MAP4K3: variants seen among roughly 807,000 people sequenced by gnomAD.
MAP4K3 encodes MAPK/ERK kinase kinase kinase 3.
Under a neutral mutation model 143.5 loss-of-function variants are expected in MAP4K3, and 94 were observed. The ratio of observed to expected loss-of-function variants is 0.65; its 90% CI spans 0.55 to 0.78. MAP4K3 has a LOEUF of 0.78. Among genes scored for constraint, MAP4K3 ranks in the 30% least tolerant of loss-of-function variants. MAP4K3 has a pLI of 0.00. For synonymous variants in MAP4K3, 416 were observed against 347.2 expected (o/e 1.20, Z -2.20); for missense variants, 1,077 against 1,068.1 (o/e 1.01, Z -0.12).
At chr2:39,366,795 T>C (rs1412674163) in intron 2 of MAP4K3, among the ~76,000 whole-genome samples, 1 of 152,218 alleles carries the variant, frequency 6.6e-6, no homozygotes, top group Non-Finnish European at 1.5e-5. Flanking sequence ...TATCAGGGTA[T>C]CTTGAAACCC....
intron 8 of MAP4K3, among the ~76,000 whole-genome samples, chr2:39,326,716 G>A (rs1226543190): frequency 1.3e-5 from 2 of 152,196 alleles, no homozygotes; most frequent in Non-Finnish European, 2.9e-5. Flanking sequence ...TAATCCCCAT[G>A]TGTTGAGGGA....
intron 24 of MAP4K3, 33 bp from the exon 25 acceptor site, chr2:39,272,575 A>G: frequency 6.5e-7 from 1 of 1,542,178 alleles, no homozygotes; most frequent in Non-Finnish European, 9.0e-7. Context: ...TTTACAAAGA[A>G]TAATACATAA....
At chr2:39,420,139 A>C (rs1667506253) in intron 1 of MAP4K3, among the ~76,000 whole-genome samples, 1 of 152,210 alleles carries the variant, frequency 6.6e-6, no homozygotes, top group African/African-American at 2.4e-5. Flanking sequence ...GGAATACAAG[A>C]ATCCAAAAAG....
chr2:39,334,050 T>C (rs780895209), intron 6 of MAP4K3, among the ~76,000 whole-genome samples: 2 of 150,804 alleles, frequency 1.3e-5, no homozygotes, highest in African/African-American at 2.4e-5. Context: ...TGAACCAGGG[T>C]TGGTATGTGA....
intron 21 of MAP4K3, chr2:39,283,803 A>G (rs1371532358): frequency 6.6e-6 from 1 of 152,212 alleles, no homozygotes; most frequent in Admixed American, 6.5e-5. Context: ...TACTTTAAAC[A>G]TGAACTTTGT....
chr2:39,358,577 T>C (rs912964354), intron 2 of MAP4K3, among the ~76,000 whole-genome samples: 15 of 152,220 alleles, frequency 9.9e-5, no homozygotes, highest in African/African-American at 3.4e-4. Context: ...CATTTTGTAC[T>C]ATTAAGTCAA....
chr2:39,251,682 CTT>C lies in MAP4K3; in HGVS notation c.2597+146_2597+147del, dbSNP rs1201953611. 3.1e-5 allele frequency: 20 copies of C among 641,238 alleles called. No individual in the cohort carries two copies. The East Asian group carries it at 5.2e-4, about 17-fold the overall frequency. 39.7% of individuals were successfully genotyped at this position (641,238 alleles called of 1,614,324 possible). On this transcript the variant is annotated intron_variant, in intron 33 of 33. Coordinates refer to ENST00000263881, the MANE Select transcript of MAP4K3 (RefSeq NM_003618.4). ...GATCAGGTACATTTTCAAAGGCTAA[CTT>C]TCTGACCTGTGAATTCTTATAGTGT...
Position 39,371,740 on chromosome 2 carries a change from GA to G in MAP4K3, c.154+6325del, listed in dbSNP as rs896045855. Among the ~76,000 whole-genome samples the G allele has an allele frequency of 1.5e-4, 23 of 150,918 alleles. 1 individual carries two copies. Among genetic ancestry groups the G allele is most frequent in the Non-Finnish European group, 2.8e-4 (19 of 67,658 alleles). ...GAAAAGAACAGGAGTAGCTATATCA[GA>G]AAAAAAAGATTTCAAAATAGAAACT... is the stretch of plus-strand genomic sequence containing the variant. On this transcript the variant is annotated intron_variant, in intron 2 of 33. Coordinates refer to ENST00000263881, the MANE Select transcript of MAP4K3 (RefSeq NM_003618.4).
At chr2:39,294,490 C>T (rs1015497099) in intron 16 of MAP4K3, among the ~76,000 whole-genome samples, 1 of 152,202 alleles carries the variant, frequency 6.6e-6, no homozygotes, top group African/African-American at 2.4e-5. Flanking sequence ...CAAGGGCCAA[C>T]TCTAAGAAAG....
chr2:39,436,764 A>T, intron 1 of MAP4K3, 128 bp downstream of exon 1: 1 of 744,870 alleles, frequency 1.3e-6, no homozygotes, highest in Non-Finnish European at 2.3e-6. Flanking sequence ...TGGCGTCCGC[A>T]GCTCCTCCTC....
At chr2:39,321,963 T>G (rs1403209630) in intron 12 of MAP4K3, among the ~76,000 whole-genome samples, 1 of 152,250 alleles carries the variant, frequency 6.6e-6, no homozygotes, top group Non-Finnish European at 1.5e-5. Flanking sequence ...CAATAAATAC[T>G]AAGGGAACTC....
chr2:39,308,082 A>C, intron 14 of MAP4K3, 77 bp from the exon 15 acceptor site: 1 of 982,852 alleles, frequency 1.0e-6, no homozygotes, highest in Non-Finnish European at 1.6e-6. Flanking sequence ...GGAAACTTTC[A>C]CAAATGAAGT....
intron 21 of MAP4K3, among the ~76,000 whole-genome samples, chr2:39,282,808 T>C (rs1033310200): frequency 6.6e-6 from 1 of 152,244 alleles, no homozygotes; most frequent in African/African-American, 2.4e-5. Flanking sequence ...TGTAATCATA[T>C]GGCTTTCCAG....
intron 31 of MAP4K3, among the ~76,000 whole-genome samples, chr2:39,255,280 T>A (rs543524625): frequency 7.2e-5 from 11 of 152,332 alleles, no homozygotes; most frequent in African/African-American, 2.6e-4. Context: ...TACAAATCTT[T>A]CTTGAGGGTA....
chr2:39,392,791 C>G (rs189136460), intron 1 of MAP4K3, among the ~76,000 whole-genome samples: 56 of 152,324 alleles, frequency 3.7e-4, no homozygotes, highest in Non-Finnish European at 7.1e-4. Context: ...TGGCTCCCTT[C>G]TGCTCTCTTG....
At chr2:39,259,359 T>G (rs1242507001) in intron 29 of MAP4K3, among the ~76,000 whole-genome samples, 6 of 152,282 alleles carry the variant, frequency 3.9e-5, no homozygotes, top group African/African-American at 1.4e-4. Context: ...AGTCTCCCAG[T>G]GATTCTGATG....
At chr2:39,315,695 C>T (rs1189809359) in intron 12 of MAP4K3, among the ~76,000 whole-genome samples, 1 of 152,088 alleles carries the variant, frequency 6.6e-6, no homozygotes, top group African/African-American at 2.4e-5. Flanking sequence ...CAACATCAGA[C>T]TTGTCTAGAT....
intron 27 of MAP4K3, 143 bp downstream of exon 27, chr2:39,267,046 A>G (rs1200909932): frequency 2.8e-6 from 2 of 702,118 alleles, no homozygotes; most frequent in Admixed American, 4.6e-5. Context: ...TAGTCTACAC[A>G]GAGATGAAAC....
intron 1 of MAP4K3, among the ~76,000 whole-genome samples, chr2:39,429,563 G>A (rs1360745659): frequency 6.6e-6 from 1 of 152,172 alleles, no homozygotes; most frequent in African/African-American, 2.4e-5. Context: ...ATGCACTATA[G>A]GTATGTAAAG....
Sources: gnomAD v4.1 joint callset for allele counts (sites outside exome capture counted in the v4.1 genomes callset) on GRCh38, gnomAD v4.1.1 for gene constraint, MANE v1.5 for transcripts, NCBI Gene and HGNC (gene_info 2026-07-23, HGNC 2026-07-21) for gene names.